The following CEP83 variants were observed in gnomAD, a reference collection of about 807,000 sequenced individuals.
The protein encoded by CEP83 is centrosomal protein 83.
CEP83 carries 70 observed loss-of-function variants against 101.9 expected under a neutral mutation model. The observed-to-expected ratio is 0.69, with a 90% CI of 0.57 to 0.84. The LOEUF (loss-of-function observed/expected upper bound fraction) is 0.84, where lower values mean the gene tolerates loss of function less well. CEP83 is among the 40% of genes least tolerant of loss of function. The pLI, the probability that CEP83 is intolerant of heterozygous loss-of-function variation, is 0.00. For missense variants in CEP83, 715 were observed against 787.2 expected (o/e 0.91, Z 1.10); for synonymous variants, 264 against 267.9 (o/e 0.99, Z 0.14).
intron 15 of CEP83, among the ~76,000 whole-genome samples, chr12:94,310,955 G>A (rs1969769260): frequency 6.6e-6 from 1 of 152,126 alleles, no homozygotes; most frequent in Non-Finnish European, 1.5e-5. Context: ...GTGGCTGGGG[G>A]CCCCTGAATA....
rs563056477 is a variant in CEP83 at position 94,308,631 on chromosome 12, C to A, written c.*182G>T. 1 of 406,848 alleles carries A rather than the reference C, an allele frequency of 2.5e-6. No homozygotes were observed. Among genetic ancestry groups the A allele is most frequent in the Non-Finnish European group, 4.4e-6 (1 of 226,454 alleles). 25.2% of individuals were successfully genotyped at this position (406,848 alleles called of 1,614,324 possible). A position where few individuals can be genotyped will look rare whatever the true frequency, so the allele number is the denominator to read the frequency against. ...TCTGAGAATTTCTCTTTTAATGCTT[C>A]ACTTGTATAATCTTAAAATCCTGAC... On this transcript the variant is annotated 3_prime_UTR_variant, in exon 17 of 17. Coordinates refer to ENST00000397809, the MANE Select transcript of CEP83 (RefSeq NM_016122.3).
chr12:94,365,278 A>G (rs2060966759), intron 11 of CEP83, among the ~76,000 whole-genome samples: 1 of 152,228 alleles, frequency 6.6e-6, no homozygotes, highest in Non-Finnish European at 1.5e-5. Context: ...CTCATTTGTA[A>G]TATGAGAAAT....
At chr12:94,304,717 A>C (rs1968820833), downstream of CEP83, among the ~76,000 whole-genome samples, 1 of 152,190 alleles carries the variant, frequency 6.6e-6, no homozygotes, top group African/African-American at 2.4e-5. Flanking sequence ...GTTCTTAAAC[A>C]TGATAAGCAT....
intron 15 of CEP83, among the ~76,000 whole-genome samples, chr12:94,310,599 T>C (rs1158878506): frequency 6.6e-6 from 1 of 152,212 alleles, no homozygotes; most frequent in African/African-American, 2.4e-5. Context: ...GTTGGTTCTC[T>C]GAACTGGTGG....
intron 7 of CEP83, among the ~76,000 whole-genome samples, chr12:94,376,455 T>TA (rs147881584): frequency 0.12 from 17,542 of 151,712 alleles, 1,280 homozygotes; most frequent in Non-Finnish European, 0.15. Flanking sequence ...TCAATGATTT[T>TA]AAAAAAAGAA....
the CEP83 span, among the ~76,000 whole-genome samples, chr12:94,296,027 C>T: frequency 6.6e-6 from 1 of 152,210 alleles, no homozygotes; most frequent in Non-Finnish European, 1.5e-5. Flanking sequence ...CAGTCTCTCA[C>T]CTGTGCTTTG....
At chr12:94,414,095 T>C (rs1000599031) in intron 2 of CEP83, among the ~76,000 whole-genome samples, 3 of 152,178 alleles carry the variant, frequency 2.0e-5, no homozygotes, top group Admixed American at 6.5e-5. Flanking sequence ...TATATTTTAA[T>C]ACAGAGGGAA....
intron 11 of CEP83, among the ~76,000 whole-genome samples, chr12:94,343,514 G>C (rs368442273): frequency 1.8e-5 from 2 of 111,730 alleles, no homozygotes; most frequent in East Asian, 5.5e-4. Context: ...ACGGAGTCTC[G>C]CTCTGTCGCC....
At chr12:94,390,935 C>T (rs1458759014) in intron 6 of CEP83, among the ~76,000 whole-genome samples, 1 of 151,706 alleles carries the variant, frequency 6.6e-6, no homozygotes, top group Admixed American at 6.6e-5. Context: ...GAAAAAAGAG[C>T]AAAAAGAAAC....
the CEP83 span, among the ~76,000 whole-genome samples, chr12:94,278,870 T>C: frequency 4.6e-5 from 7 of 152,086 alleles, no homozygotes; most frequent in African/African-American, 1.7e-4. Context: ...TGGTGGCATG[T>C]GCCTGTAATC....
the CEP83 span, among the ~76,000 whole-genome samples, chr12:94,266,880 G>A: frequency 3.3e-5 from 5 of 152,310 alleles, no homozygotes; most frequent in South Asian, 6.2e-4. Context: ...TAAAATGCAG[G>A]TGCAAATATA....
chr12:94,389,084 G>A (rs536908738), intron 6 of CEP83, among the ~76,000 whole-genome samples: 10 of 152,266 alleles, frequency 6.6e-5, no homozygotes, highest in East Asian at 3.9e-4. Flanking sequence ...CCAAGATCGC[G>A]CCACTGCACT....
chr12:94,299,106 A>G, the CEP83 span, among the ~76,000 whole-genome samples: 1 of 152,196 alleles, frequency 6.6e-6, no homozygotes, highest in Non-Finnish European at 1.5e-5. Context: ...GTGGTTTTAT[A>G]TCATTTTTGC....
chr12:94,312,071 T>C (rs1969949385), intron 15 of CEP83, among the ~76,000 whole-genome samples: 1 of 151,564 alleles, frequency 6.6e-6, no homozygotes, highest in South Asian at 2.1e-4. Context: ...GAAGACCCCA[T>C]GTTTAAAAAA....
At chr12:94,448,915 C>T (rs1366860683) in intron 1 of CEP83, among the ~76,000 whole-genome samples, 2 of 146,770 alleles carry the variant, frequency 1.4e-5, no homozygotes, top group Non-Finnish European at 3.0e-5. Context: ...CCAAAACAAG[C>T]AGAAAAATAA....
In CEP83 at chr12:94,400,865, T is replaced by G; in HGVS notation, c.534A>C (p.Ile178=). Residue 178 remains isoleucine (I), a synonymous_variant, in exon 6 of 17, where the codon ATA becomes ATC. Transcript: ENST00000397809. ...EYARILDEGK[I]KYESEIARLE... ...AATCACTTACCTCTGATTCATATTTTATTTTTCCTTCATCTAAAATACGTG... is the reference window on the plus strand; with the variant it reads ...AATCACTTACCTCTGATTCATATTTGATTTTTCCTTCATCTAAAATACGTG... 6.8e-7 allele frequency: 1 copy of G among 1,477,206 alleles called. No homozygotes were observed. The allele number at this position is 1,477,206 out of a possible 1,614,324, so 91.5% of individuals were successfully genotyped here. A position where few individuals can be genotyped will look rare whatever the true frequency, so the allele number is the denominator to read the frequency against.
At chr12:94,387,136 G>T (rs909590590) in intron 6 of CEP83, among the ~76,000 whole-genome samples, 1 of 152,132 alleles carries the variant, frequency 6.6e-6, no homozygotes, top group African/African-American at 2.4e-5. Context: ...TACCATTCTG[G>T]ACATTAGCCT....
Position 94,378,873 on chromosome 12 carries a change from T to C in CEP83, c.719A>G (p.Asn240Ser). Residue 240 changes from asparagine to serine, a missense_variant, in exon 7 of 17, where the codon AAT (asparagine) becomes AGT (serine). Coordinates refer to ENST00000397809, the MANE Select transcript of CEP83 (RefSeq NM_016122.3). ...EVAELKAEKE[N>S]SEAQVENAQR... ...GGCATTTTCCACCTGAGCCTCAGAA[T>C]TCTCCTTTTCAGCCTTTAATTCCGC... is the stretch of plus-strand genomic sequence containing the variant. The C allele has an allele frequency of 6.2e-7, 1 of 1,614,110 alleles. No individual in the cohort carries two copies. The highest frequency in any genetic ancestry group is 8.5e-7 in the Non-Finnish European group (1 of 1,179,990).
chr12:94,327,587 CAT>C (rs1425394611), intron 14 of CEP83, among the ~76,000 whole-genome samples: 2 of 152,202 alleles, frequency 1.3e-5, no homozygotes, highest in South Asian at 2.1e-4. Flanking sequence ...TCCTATCTGA[CAT>C]GTGTTTTTTA....
Sources: gnomAD v4.1 joint callset for allele counts (sites outside exome capture counted in the v4.1 genomes callset) on GRCh38, gnomAD v4.1.1 for gene constraint, MANE v1.5 for transcripts, NCBI Gene and HGNC (gene_info 2026-07-23, HGNC 2026-07-21) for gene names.